ST6GAL1: variants seen among roughly 807,000 people sequenced by gnomAD.
ST6GAL1 encodes the protein ST6 beta-galactoside alpha-2,6-sialyltransferase 1.
A neutral mutation model predicts 38.0 loss-of-function variants in ST6GAL1; 20 were observed. That is an observed-to-expected ratio of 0.53 (90% CI 0.37 to 0.77). The LOEUF is 0.77. ST6GAL1 is among the 30% of genes least tolerant of loss of function. ST6GAL1 has a pLI of 0.00. For synonymous variants in ST6GAL1, 196 were observed against 188.2 expected (o/e 1.04, Z -0.34); for missense variants, 432 against 496.4 (o/e 0.87, Z 1.23).
At chr3:187,014,765 C>T (rs1373152836) in intron 2 of ST6GAL1, among the ~76,000 whole-genome samples, 2 of 152,180 alleles carry the variant, frequency 1.3e-5, no homozygotes, top group Admixed American at 6.5e-5. Flanking sequence ...TTGATGTTCT[C>T]GAGTGACTTT....
intron 5 of ST6GAL1, among the ~76,000 whole-genome samples, chr3:187,071,437 T>C (rs1319318073): frequency 1.3e-5 from 2 of 152,144 alleles, no homozygotes; most frequent in Admixed American, 6.5e-5. Context: ...AAATGTGTTA[T>C]TCCCATTTCA....
intron 5 of ST6GAL1, among the ~76,000 whole-genome samples, chr3:187,068,344 A>G (rs898094254): frequency 6.7e-6 from 1 of 149,134 alleles, no homozygotes; most frequent in Non-Finnish European, 1.5e-5. Flanking sequence ...TCCATCTCAA[A>G]AAAAAAAAAA....
intron 2 of ST6GAL1, among the ~76,000 whole-genome samples, chr3:187,021,046 C>T (rs547189668): frequency 5.7e-4 from 87 of 151,918 alleles, no homozygotes; most frequent in Non-Finnish European, 1.1e-3. Context: ...CCCACTGAGC[C>T]TCTGCCTCCT....
At chr3:186,945,409 C>T (rs73187748) in intron 1 of ST6GAL1, among the ~76,000 whole-genome samples, 6,460 of 152,074 alleles carry the variant, frequency 0.042, 178 homozygotes, top group Middle Eastern at 0.071. Flanking sequence ...GTCAGGCAGA[C>T]ATCCTCACAC....
chr3:187,026,525 A>T (rs1266374529), intron 2 of ST6GAL1, among the ~76,000 whole-genome samples: 1 of 152,240 alleles, frequency 6.6e-6, no homozygotes, highest in Non-Finnish European at 1.5e-5. Flanking sequence ...CTGCAGAGGC[A>T]ACCTTTTAAG....
intron 2 of ST6GAL1, among the ~76,000 whole-genome samples, chr3:187,004,630 G>A (rs779696285): frequency 1.3e-5 from 2 of 152,306 alleles, no homozygotes; most frequent in African/African-American, 2.4e-5. Flanking sequence ...CGGCACTTTC[G>A]TGCTATTAAG....
At chr3:186,960,328 G>A (rs1203453051) in intron 1 of ST6GAL1, among the ~76,000 whole-genome samples, 1 of 152,164 alleles carries the variant, frequency 6.6e-6, no homozygotes, top group Admixed American at 6.5e-5. Context: ...TCTAGAGTTG[G>A]GGGACAGTGC....
chr3:187,031,242 C>G (rs1409093302), intron 2 of ST6GAL1, among the ~76,000 whole-genome samples: 1 of 152,154 alleles, frequency 6.6e-6, no homozygotes, highest in Non-Finnish European at 1.5e-5. Flanking sequence ...GCACAGGAAA[C>G]CACACTTTGC....
chr3:186,938,048 T>C (rs910026303), intron 1 of ST6GAL1, among the ~76,000 whole-genome samples: 3 of 152,210 alleles, frequency 2.0e-5, no homozygotes, highest in Admixed American at 2.0e-4. Flanking sequence ...CACTGCAGAC[T>C]GGGTGACAGA....
intron 2 of ST6GAL1, among the ~76,000 whole-genome samples, chr3:186,975,501 C>T (rs1359373315): frequency 6.6e-6 from 1 of 152,162 alleles, no homozygotes; most frequent in Non-Finnish European, 1.5e-5. Context: ...AGTGATTCTT[C>T]TCTGTCCCTG....
At chr3:186,991,947 C>T (rs1177595518) in intron 2 of ST6GAL1, among the ~76,000 whole-genome samples, 1 of 152,140 alleles carries the variant, frequency 6.6e-6, no homozygotes, top group Non-Finnish European at 1.5e-5. Context: ...GGGTTATCTC[C>T]AATTTTCAGT....
chr3:186,940,780 A>G (rs1579254264), intron 1 of ST6GAL1, among the ~76,000 whole-genome samples: 1 of 96,768 alleles, frequency 1.0e-5, no homozygotes, highest in African/African-American at 4.2e-5. Flanking sequence ...TTCCCATGTC[A>G]GTGTTTTTTT....
intron 2 of ST6GAL1, among the ~76,000 whole-genome samples, chr3:187,010,094 C>T (rs1454614684): frequency 1.3e-5 from 2 of 152,018 alleles, no homozygotes; most frequent in African/African-American, 4.8e-5. Flanking sequence ...TTAAATTGTC[C>T]TCTTGGGAAT....
At chr3:187,064,418 G>A (rs1293141076) in intron 5 of ST6GAL1, 24 of 429,736 alleles carry the variant, frequency 5.6e-5, no homozygotes, top group African/African-American at 8.1e-5. Context: ...AAAGGGTTGC[G>A]AAATAGCTCC....
chr3:187,014,410 C>T (rs1216130775), intron 2 of ST6GAL1, among the ~76,000 whole-genome samples: 1 of 152,194 alleles, frequency 6.6e-6, no homozygotes, highest in Non-Finnish European at 1.5e-5. Context: ...TCCCAGTTAC[C>T]AGCCTCTTGA....
At chr3:187,067,074 TTTC>T (rs1424949492) in intron 5 of ST6GAL1, among the ~76,000 whole-genome samples, 1 of 136,464 alleles carries the variant, frequency 7.3e-6, no homozygotes, top group East Asian at 2.1e-4. Context: ...CTTTTCTTTC[TTTC>T]TTTCTTTTTT....
chr3:187,071,427 A>G (rs1429318472), intron 5 of ST6GAL1, among the ~76,000 whole-genome samples: 8 of 152,130 alleles, frequency 5.3e-5, no homozygotes, highest in African/African-American at 7.2e-5. Flanking sequence ...AGAGCAGAGC[A>G]AATGTGTTAT....
At chr3:186,933,262 T>A (rs914805813) in intron 1 of ST6GAL1, among the ~76,000 whole-genome samples, 4 of 152,156 alleles carry the variant, frequency 2.6e-5, no homozygotes, top group African/African-American at 7.2e-5. Flanking sequence ...CTATTCTGAG[T>A]CCATAAAAGG....
intron 2 of ST6GAL1, among the ~76,000 whole-genome samples, chr3:187,005,869 C>T (rs751643890): frequency 4.4e-4 from 67 of 152,086 alleles, no homozygotes; most frequent in Admixed American, 9.2e-4. Context: ...AAGGGAAGGA[C>T]CGACCAACAG....
Sources: gnomAD v4.1 joint callset for allele counts (sites outside exome capture counted in the v4.1 genomes callset) on GRCh38, gnomAD v4.1.1 for gene constraint, MANE v1.5 for transcripts, NCBI Gene and HGNC (gene_info 2026-07-23, HGNC 2026-07-21) for gene names.